Variants in TNFSF4 observed in about 807,000 individuals in gnomAD.
TNFSF4 encodes the protein TNF superfamily member 4.
In TNFSF4, 4 loss-of-function variants were observed where a neutral mutation model predicts 7.3. The observed-to-expected ratio is 0.55, with a 90% confidence interval of 0.27 to 1.25. The LOEUF (loss-of-function observed/expected upper bound fraction) is 1.25. TNFSF4 is among the 50% of genes most tolerant of loss of function. TNFSF4 has a pLI of 0.12. For synonymous variants in TNFSF4, 76 were observed against 83.7 expected, an observed-to-expected ratio of 0.91 and a Z score of 0.50; for missense variants, 181 against 208.8, an observed-to-expected ratio of 0.87 and a Z score of 0.82.
At chr1:173,376,177 G>T in the TNFSF4 span, among the ~76,000 whole-genome samples, 1 of 152,164 alleles carries the variant, frequency 6.6e-6, no homozygotes, top group Non-Finnish European at 1.5e-5. Context: ...TTTCTCAATA[G>T]CAAAGACTTG....
At chr1:173,294,860 A>G in the TNFSF4 span, among the ~76,000 whole-genome samples, 7 of 152,012 alleles carry the variant, frequency 4.6e-5, no homozygotes, top group African/African-American at 1.4e-4. Flanking sequence ...CATATGACTG[A>G]AAAAACTTTT....
At chr1:173,334,332 G>A in the TNFSF4 span, among the ~76,000 whole-genome samples, 1 of 152,166 alleles carries the variant, frequency 6.6e-6, no homozygotes, top group South Asian at 2.1e-4. Flanking sequence ...AAGGATCTAA[G>A]TGACTACATA....
chr1:173,338,391 C>T, the TNFSF4 span, among the ~76,000 whole-genome samples: 1 of 152,192 alleles, frequency 6.6e-6, no homozygotes, highest in Admixed American at 6.5e-5. Context: ...AAAGAACTCA[C>T]TTCACAGAAA....
chr1:173,356,779 T>A, the TNFSF4 span, among the ~76,000 whole-genome samples: 1 of 152,232 alleles, frequency 6.6e-6, no homozygotes, highest in Non-Finnish European at 1.5e-5. Context: ...ATCAATAGTA[T>A]AATTTGTTGC....
At chr1:173,319,360 C>T in the TNFSF4 span, among the ~76,000 whole-genome samples, 1 of 152,216 alleles carries the variant, frequency 6.6e-6, no homozygotes, top group African/African-American at 2.4e-5. Flanking sequence ...ACAGATAAAT[C>T]TCTCATCTCC....
At chr1:173,418,898 G>C in the TNFSF4 span, among the ~76,000 whole-genome samples, 1 of 152,196 alleles carries the variant, frequency 6.6e-6, no homozygotes, top group East Asian at 1.9e-4. Context: ...GTTTGAATGT[G>C]ACCCCCAAAT....
upstream of TNFSF4, among the ~76,000 whole-genome samples, chr1:173,210,712 C>T (rs1650345396): frequency 6.6e-6 from 1 of 151,130 alleles, no homozygotes; most frequent in Admixed American, 6.6e-5. Flanking sequence ...GCAGGTACTT[C>T]AGGAAATAAT....
the TNFSF4 span, among the ~76,000 whole-genome samples, chr1:173,310,602 T>C: frequency 8.6e-5 from 13 of 151,282 alleles, no homozygotes; most frequent in African/African-American, 3.2e-4. Flanking sequence ...TATAGTGTTA[T>C]ATAGCTGTCC....
the TNFSF4 span, among the ~76,000 whole-genome samples, chr1:173,314,727 G>A: frequency 4.7e-4 from 72 of 152,218 alleles, no homozygotes; most frequent in African/African-American, 1.5e-3. Flanking sequence ...TGATAATTGG[G>A]AAACTCCAGT....
At chr1:173,330,279 T>C in the TNFSF4 span, among the ~76,000 whole-genome samples, 1 of 132,290 alleles carries the variant, frequency 7.6e-6, no homozygotes, top group East Asian at 2.3e-4. Flanking sequence ...ATTTTTTATA[T>C]CACATCACAA....
chr1:173,334,395 C>A, the TNFSF4 span, among the ~76,000 whole-genome samples: 1 of 152,180 alleles, frequency 6.6e-6, no homozygotes. Flanking sequence ...CCACTTGATC[C>A]TGTCAAGGTA....
chr1:173,182,718 G>T (rs188528644), downstream of TNFSF4, among the ~76,000 whole-genome samples: 6 of 152,318 alleles, frequency 3.9e-5, no homozygotes, highest in East Asian at 1.2e-3. Flanking sequence ...CATCTGGGCT[G>T]AAAAACGGTC....
At chr1:173,300,124 TA>T in the TNFSF4 span, among the ~76,000 whole-genome samples, 1 of 148,384 alleles carries the variant, frequency 6.7e-6, no homozygotes, top group South Asian at 2.2e-4. Context: ...GATAGATAGA[TA>T]GATAGATAGA....
the TNFSF4 span, among the ~76,000 whole-genome samples, chr1:173,322,354 C>G: frequency 6.6e-6 from 1 of 151,976 alleles, no homozygotes. Context: ...GGAGGGAGAG[C>G]ATTAGGACAA....
chr1:173,389,734 A>G, the TNFSF4 span, among the ~76,000 whole-genome samples: 1 of 152,156 alleles, frequency 6.6e-6, no homozygotes, highest in Non-Finnish European at 1.5e-5. Flanking sequence ...TAACTTACTG[A>G]TTTTAACTAA....
chr1:173,315,205 A>C, the TNFSF4 span, among the ~76,000 whole-genome samples: 1 of 152,178 alleles, frequency 6.6e-6, no homozygotes, highest in Non-Finnish European at 1.5e-5. Flanking sequence ...GGCCAGCCTG[A>C]GTACTTGCTG....
the TNFSF4 span, among the ~76,000 whole-genome samples, chr1:173,255,799 ATCTG>A: frequency 6.6e-6 from 1 of 152,192 alleles, no homozygotes; most frequent in Admixed American, 6.5e-5. Flanking sequence ...CATCGTCACA[ATCTG>A]TCTGTTTTTA....
the TNFSF4 span, among the ~76,000 whole-genome samples, chr1:173,175,820 C>T: frequency 6.6e-6 from 1 of 152,168 alleles, no homozygotes; most frequent in African/African-American, 2.4e-5. Context: ...TCCCCAGGCT[C>T]CTTAGCTAGG....
chr1:173,388,865 G>T, the TNFSF4 span, among the ~76,000 whole-genome samples: 1 of 151,904 alleles, frequency 6.6e-6, no homozygotes. Flanking sequence ...AAATTCTTGG[G>T]CCTCTTTAGT....
Sources: allele counts gnomAD v4.1 joint callset (sites outside exome capture counted in the v4.1 genomes callset), GRCh38; gene constraint gnomAD v4.1.1; transcripts MANE v1.5; gene names NCBI Gene and HGNC (gene_info 2026-07-23, HGNC 2026-07-21).